Variants in ABR observed in about 807,000 individuals in gnomAD.
ABR encodes ABR activator of RhoGEF and GTPase.
Under a neutral mutation model 107.2 loss-of-function variants are expected in ABR, and 35 were observed. That is an observed-to-expected ratio of 0.33 (90% CI 0.25 to 0.43). The LOEUF is 0.43. Among genes scored for constraint, ABR ranks in the 20% least tolerant of loss-of-function variants. The probability of loss-of-function intolerance (pLI) is 1.00; values close to 1 mark genes in which losing one functional copy is unlikely to be tolerated. For missense variants in ABR, 815 were observed against 1,115.2 expected (o/e 0.73, Z 3.83); for synonymous variants, 498 against 462.0 (o/e 1.08, Z -1.00).
Position 1,056,109 on chromosome 17 carries a change from T to A in ABR, c.1487A>T (p.Asp496Val). 1.2e-6 allele frequency: 2 copies of A among 1,613,996 alleles called. No homozygotes were observed. Among genetic ancestry groups the A allele is most frequent in the Non-Finnish European group, 1.7e-6 (2 of 1,179,848 alleles). Reference sequence around the variant, plus strand: ...GCCATAGAGTCCTGGAGACTCATCGTCTGCAAGAGAGAAAAGCCCCCAGGG... The same window carrying A: ...GCCATAGAGTCCTGGAGACTCATCGACTGCAAGAGAGAAAAGCCCCCAGGG... The part of the protein sequence containing the change: ...HNIPVTSNKD[D>V]DESPGLYGFL... Residue 496 changes from aspartate to valine, a missense_variant and splice_region_variant, in exon 14 of 23, where the codon GAC (aspartate) becomes GTC (valine). Coordinates refer to ENST00000302538, the MANE Select transcript of ABR (RefSeq NM_021962.5).
chr17:1,056,952 A>C, intron 13 of ABR, 46 bp downstream of exon 13: 3 of 1,395,714 alleles, frequency 2.1e-6, no homozygotes, highest in Non-Finnish European at 3.0e-6. Flanking sequence ...CCACGCTCTG[A>C]GGGCTGGGAC....
intron 16 of ABR, among the ~76,000 whole-genome samples, chr17:1,024,783 C>CAAAAA (rs57876178): frequency 2.2e-5 from 2 of 92,774 alleles, no homozygotes; most frequent in African/African-American, 4.4e-5. Flanking sequence ...GAGACTCCCA[C>CAAAAA]AAAAAAAAAA....
rs1008858031 is a variant in ABR, at chr17:1,027,992, G to A, written c.1792-14828C>T. 6.6e-6 allele frequency among the ~76,000 whole-genome samples: 1 copy of A among 152,154 alleles called. No individual in the cohort carries two copies. The highest frequency in any genetic ancestry group is 1.5e-5 in the Non-Finnish European group (1 of 68,002). On this transcript the variant is annotated intron_variant, in intron 16 of 22. Coordinates refer to ENST00000302538, the MANE Select transcript of ABR (RefSeq NM_021962.5). The surrounding 1 kb of genome is among the most constrained non-coding windows in gnomAD (Gnocchi z 4.7). Reference sequence around the variant, plus strand: ...GAGTGAACCTCTGGGGTGTGCACGTGGTCTGCACACCTGGTACCATCAAGA... The same window carrying A: ...GAGTGAACCTCTGGGGTGTGCACGTAGTCTGCACACCTGGTACCATCAAGA...
At chr17:1,068,490 G>A (rs958781497) in intron 9 of ABR, among the ~76,000 whole-genome samples, 52 of 152,200 alleles carry the variant, frequency 3.4e-4, no homozygotes, top group Admixed American at 1.6e-3. Context: ...AGGCAAGATA[G>A]CCTGATGGTA....
intron 2 of ABR, among the ~76,000 whole-genome samples, chr17:1,119,997 C>T (rs533334538): frequency 2.0e-4 from 31 of 152,318 alleles, no homozygotes; most frequent in African/African-American, 5.8e-4. Context: ...TGGGCTCAAG[C>T]GATCCTCCTG....
chr17:1,225,512 C>T (rs558901714), intron 1 of ABR, among the ~76,000 whole-genome samples: 5 of 152,012 alleles, frequency 3.3e-5, no homozygotes, highest in African/African-American at 7.2e-5. Flanking sequence ...ATTAGCCAGG[C>T]GTAGTGGCAC....
intron 1 of ABR, among the ~76,000 whole-genome samples, chr17:1,225,962 T>C (rs540715218): frequency 2.6e-5 from 4 of 152,246 alleles, no homozygotes; most frequent in East Asian, 3.9e-4. Context: ...AGAAATACAT[T>C]CTACATCAGC....
At chr17:1,096,959 A>G (rs2037497554) in intron 3 of ABR, among the ~76,000 whole-genome samples, 1 of 126,626 alleles carries the variant, frequency 7.9e-6, no homozygotes, top group East Asian at 2.4e-4. Context: ...GGGAGGAGAG[A>G]GCCGGGGAAG....
At chr17:1,218,599 G>A (rs2150754196) in intron 1 of ABR, among the ~76,000 whole-genome samples, 1 of 152,244 alleles carries the variant, frequency 6.6e-6, no homozygotes, top group South Asian at 2.1e-4. Context: ...TGAGAAGAAT[G>A]ATCCTTAGTC....
intron 1 of ABR, among the ~76,000 whole-genome samples, chr17:1,172,990 GTCCA>G (rs2041775697): frequency 5.1e-5 from 2 of 39,546 alleles, no homozygotes; most frequent in Admixed American, 3.2e-4. Context: ...CATCACCTCA[GTCCA>G]CCCAACACAT....
At chr17:1,048,221 G>C (rs1365435405) in intron 16 of ABR, among the ~76,000 whole-genome samples, 2 of 152,228 alleles carry the variant, frequency 1.3e-5, no homozygotes, top group Non-Finnish European at 1.5e-5. Context: ...TGTCTCCCTA[G>C]TGACGAGTAC....
In ABR at chr17:1,150,839, C is replaced by T. The variant is rs2040764089; in HGVS notation, c.62-25472G>A. On this transcript the variant is annotated intron_variant, in intron 1 of 22. Transcript: ENST00000302538. The surrounding 1 kb of genome is among the most constrained non-coding windows in gnomAD (Gnocchi z 4.8). ...AACCCAGCCATCAACACACAGAGGC[C>T]CACGAGCCCATTCCTGAGCCTCCCT... Among the ~76,000 whole-genome samples, 1 of 152,146 alleles carries T rather than the reference C, an allele frequency of 6.6e-6. No individual in the cohort carries two copies. The highest frequency in any genetic ancestry group is 2.1e-4 in the South Asian group (1 of 4,820).
At position 1,179,653 on chromosome 17, in the gene ABR, C is replaced by T; in HGVS notation, c.61+14G>A. ...TCCCGATCCTGGGGTCCCGCCCCCG[C>T]CCGGCACACGTACTGCTGTAGAGGG... On this transcript the variant is annotated intron_variant, in intron 1 of 22. Coordinates refer to ENST00000302538, the MANE Select transcript of ABR (RefSeq NM_021962.5). The surrounding 1 kb of genome is among the most constrained non-coding windows in gnomAD (Gnocchi z 4.9). The T allele has an allele frequency of 6.5e-7, 1 of 1,529,686 alleles. No individual in the cohort carries two copies. The highest frequency in any genetic ancestry group is 8.8e-7 in the Non-Finnish European group (1 of 1,137,930). 94.8% of individuals were successfully genotyped at this position (1,529,686 alleles called of 1,614,324 possible).
intron 2 of ABR, chr17:1,108,799 T>C: frequency 1.1e-6 from 1 of 929,294 alleles, no homozygotes. Flanking sequence ...CGGGAACAGC[T>C]GCCGGGGCCG....
intron 1 of ABR, among the ~76,000 whole-genome samples, chr17:1,129,816 G>A (rs1048509368): frequency 2.6e-5 from 4 of 151,854 alleles, no homozygotes; most frequent in East Asian, 3.9e-4. Flanking sequence ...GTGCGATGGC[G>A]GGTGCCTGTA....
At chr17:1,038,340 G>A (rs965826135) in intron 16 of ABR, among the ~76,000 whole-genome samples, 1 of 152,214 alleles carries the variant, frequency 6.6e-6, no homozygotes, top group East Asian at 1.9e-4. Flanking sequence ...GGACACCTCT[G>A]GGTCAGACGC....
chr17:1,024,341 C>T (rs987399556), intron 16 of ABR, among the ~76,000 whole-genome samples: 10 of 152,214 alleles, frequency 6.6e-5, no homozygotes, highest in African/African-American at 2.4e-4. Flanking sequence ...ATCTGGGGCA[C>T]GCAGCCCAAC....
intron 1 of ABR, among the ~76,000 whole-genome samples, chr17:1,130,376 G>T (rs2258780): frequency 6.7e-6 from 1 of 149,278 alleles, no homozygotes; most frequent in Non-Finnish European, 1.5e-5. Flanking sequence ...AGGCATCCCC[G>T]CTCCTCCCCA....
At chr17:1,055,923 C>T in intron 14 of ABR, 112 bp downstream of exon 14, 1 of 1,006,076 alleles carries the variant, frequency 9.9e-7, no homozygotes, top group Non-Finnish European at 1.5e-6. Flanking sequence ...TGGTTTCTGG[C>T]CTCCAGGGGA....
Sources: allele counts gnomAD v4.1 joint callset (sites outside exome capture counted in the v4.1 genomes callset), GRCh38; gene constraint gnomAD v4.1.1; non-coding constraint Gnocchi (gnomAD v3.1); transcripts MANE v1.5; gene names NCBI Gene and HGNC (gene_info 2026-07-23, HGNC 2026-07-21).